Variants in ROR1 observed in about 807,000 individuals in gnomAD.
ROR1 encodes the protein inactive tyrosine-protein kinase transmembrane receptor ROR1.
ROR1 carries 19 observed loss-of-function variants against 78.8 expected under a neutral mutation model. That is an observed-to-expected ratio of 0.24 (90% CI 0.17 to 0.35). The LOEUF is 0.35. Ranked by LOEUF, ROR1 falls within the 10% of genes least tolerant of loss-of-function variation. ROR1 has a pLI of 1.00. For missense variants in ROR1, 917 were observed against 1,177.8 expected (o/e 0.78, Z 3.24); for synonymous variants, 386 against 433.6 (o/e 0.89, Z 1.36).
intron 1 of ROR1, among the ~76,000 whole-genome samples, chr1:63,866,692 T>C (rs896481652): frequency 6.6e-6 from 1 of 152,200 alleles, no homozygotes; most frequent in Non-Finnish European, 1.5e-5. Context: ...TCATTAGATA[T>C]AGTTATGGAT....
chr1:63,812,849 T>A (rs936582786), intron 1 of ROR1, among the ~76,000 whole-genome samples: 2 of 152,162 alleles, frequency 1.3e-5, no homozygotes, highest in African/African-American at 4.8e-5. Flanking sequence ...AGTTTATAGA[T>A]GACAGAGCTG....
At chr1:64,037,202 G>T (rs1646709338) in intron 2 of ROR1, among the ~76,000 whole-genome samples, 1 of 152,160 alleles carries the variant, frequency 6.6e-6, no homozygotes, top group Admixed American at 6.5e-5. Flanking sequence ...CCAGGTGCAA[G>T]GAAAGGGCAC....
At chr1:63,889,784 G>A (rs931949320) in intron 1 of ROR1, among the ~76,000 whole-genome samples, 2 of 152,178 alleles carry the variant, frequency 1.3e-5, no homozygotes, top group Admixed American at 1.3e-4. Flanking sequence ...AGGTAGTGGA[G>A]TATACCAGTA....
chr1:63,971,803 G>A (rs1646121663), intron 1 of ROR1, among the ~76,000 whole-genome samples: 1 of 152,146 alleles, frequency 6.6e-6, no homozygotes, highest in Admixed American at 6.5e-5. Context: ...GTATGAGTAG[G>A]AGGAGTTGGC....
intron 1 of ROR1, among the ~76,000 whole-genome samples, chr1:63,893,579 T>C (rs1280504904): frequency 6.6e-6 from 1 of 152,180 alleles, no homozygotes; most frequent in Non-Finnish European, 1.5e-5. Flanking sequence ...GGTTTCTTAA[T>C]TTTGTTGTTT....
At chr1:64,052,715 A>C (rs144761915) in intron 4 of ROR1, among the ~76,000 whole-genome samples, 1 of 152,338 alleles carries the variant, frequency 6.6e-6, no homozygotes, top group African/African-American at 2.4e-5. Flanking sequence ...CGGTAATAGC[A>C]TGAAATGTAT....
chr1:63,849,062 T>G (rs956190922), intron 1 of ROR1, among the ~76,000 whole-genome samples: 1 of 152,182 alleles, frequency 6.6e-6, no homozygotes, highest in Non-Finnish European at 1.5e-5. Flanking sequence ...ATGAGTGTGC[T>G]ATGCCTGGCT....
Position 64,053,978 on chromosome 1 carries a change from G to T in ROR1, c.482+3262G>T, listed in dbSNP as rs1168579069. Among the ~76,000 whole-genome samples the T allele has an allele frequency of 5.7e-5, 8 of 140,826 alleles. No homozygotes were observed. The South Asian group carries it at 1.5e-3, about 26-fold the overall frequency. 92.4% of individuals were successfully genotyped at this position (140,826 alleles called of 152,430 possible). On this transcript the variant is annotated intron_variant, in intron 4 of 8. Transcript: ENST00000371079. ...TTATTTTATTTTATTTTGAAACAAG[G>T]TCTGGCTCTATCACCCAGGCTGGAG...
chr1:63,879,114 A>G (rs1373514672), intron 1 of ROR1, among the ~76,000 whole-genome samples: 2 of 152,094 alleles, frequency 1.3e-5, no homozygotes. Flanking sequence ...CAGGAACGCA[A>G]GCTTTGAGGA....
At chr1:64,144,876 T>G (rs1349240891) in intron 7 of ROR1, among the ~76,000 whole-genome samples, 2 of 152,208 alleles carry the variant, frequency 1.3e-5, no homozygotes, top group Non-Finnish European at 2.9e-5. Context: ...GTTCTCATGT[T>G]TAAGTGCCTG....
intron 1 of ROR1, among the ~76,000 whole-genome samples, chr1:63,853,709 G>A (rs1173153340): frequency 1.3e-5 from 2 of 152,116 alleles, no homozygotes; most frequent in East Asian, 3.8e-4. Flanking sequence ...GACACAGTAA[G>A]GAATCTTTCA....
intron 1 of ROR1, among the ~76,000 whole-genome samples, chr1:63,828,579 A>G (rs575339754): frequency 1.3e-5 from 2 of 152,318 alleles, no homozygotes; most frequent in Middle Eastern, 6.8e-3. Context: ...GTTGATCAAC[A>G]TCCTCCTGAT....
At chr1:63,982,271 A>G (rs541101930) in intron 1 of ROR1, among the ~76,000 whole-genome samples, 44 of 151,592 alleles carry the variant, frequency 2.9e-4, no homozygotes, top group Admixed American at 1.2e-3. Flanking sequence ...CACATTGCCT[A>G]TAAAATGGGG....
chr1:64,070,990 G>C (rs1010163727), intron 4 of ROR1, among the ~76,000 whole-genome samples: 1 of 152,218 alleles, frequency 6.6e-6, no homozygotes, highest in Admixed American at 6.5e-5. Flanking sequence ...GGCTTGCAGA[G>C]AGCAAGGGAA....
chr1:63,961,577 G>A (rs1646030013), intron 1 of ROR1, among the ~76,000 whole-genome samples: 1 of 152,164 alleles, frequency 6.6e-6, no homozygotes, highest in Non-Finnish European at 1.5e-5. Flanking sequence ...AGTAGAATAT[G>A]CCAAGCACAG....
chr1:63,788,793 C>G, intron 1 of ROR1: 2 of 592,792 alleles, frequency 3.4e-6, no homozygotes, highest in South Asian at 3.0e-5. Context: ...CTTTATGGCG[C>G]TTGCATGCTT....
intron 4 of ROR1, chr1:64,094,357 A>G (rs968345017): frequency 1.3e-5 from 2 of 152,158 alleles, no homozygotes; most frequent in Non-Finnish European, 2.9e-5. Context: ...GGGCCAAGCT[A>G]GGAATGAGGA....
chr1:63,905,854 A>G (rs1313697306), intron 1 of ROR1, among the ~76,000 whole-genome samples: 1 of 152,250 alleles, frequency 6.6e-6, no homozygotes, highest in East Asian at 1.9e-4. Flanking sequence ...GCTGTAATTT[A>G]TAGCTCAATT....
chr1:64,162,307 T>C (rs1447136899), intron 8 of ROR1, among the ~76,000 whole-genome samples: 1 of 152,206 alleles, frequency 6.6e-6, no homozygotes, highest in African/African-American at 2.4e-5. Context: ...AGTGTTTGGA[T>C]TGAGAAGAAG....
Sources: gnomAD v4.1 joint callset for allele counts (sites outside exome capture counted in the v4.1 genomes callset) on GRCh38, gnomAD v4.1.1 for gene constraint, MANE v1.5 for transcripts, NCBI Gene and HGNC (gene_info 2026-07-23, HGNC 2026-07-21) for gene names.